Variants in TBXA2R observed in about 807,000 individuals in gnomAD.
TBXA2R encodes the protein prostanoid TP receptor.
A neutral mutation model predicts 15.6 loss-of-function variants in TBXA2R; 15 were observed. The ratio of observed to expected loss-of-function variants is 0.96; its 90% CI spans 0.64 to 1.48. TBXA2R has a LOEUF of 1.48. Among genes scored for constraint, TBXA2R ranks in the 40% most tolerant of loss-of-function variants. The probability of loss-of-function intolerance (pLI) is 0.00; values close to 1 mark genes in which losing one functional copy is unlikely to be tolerated. For synonymous variants in TBXA2R, 280 were observed against 241.2 expected (o/e 1.16, Z -1.49); for missense variants, 506 against 491.4 (o/e 1.03, Z -0.28).
At chr19:3,597,943 T>G (rs1356546926) in intron 2 of TBXA2R, 1 of 151,970 alleles carries the variant, frequency 6.6e-6, no homozygotes, top group African/African-American at 2.4e-5. Flanking sequence ...CTAAATAAAT[T>G]AAATCAATCA....
chr19:3,600,209 C>G lies in TBXA2R; in HGVS notation c.426G>C (p.Ala142=). The change falls in exon 2 of 3, where the codon GCG becomes GCC. Residue 142 remains alanine (A), a synonymous_variant. Transcript: ENST00000375190. ...LGITRPFSRP[A]VASQRRAWAT... ...CCCAGGCGCGGCGCTGCGAGGCGAC[C>G]GCCGGGCGCGAGAAGGGCCGGGTGA... is the stretch of plus-strand genomic sequence containing the variant. 1.2e-6 allele frequency: 2 copies of G among 1,602,640 alleles called. No homozygotes were observed. The highest frequency in any genetic ancestry group is 4.5e-5 in the East Asian group (2 of 44,324).
intron 2 of TBXA2R, among the ~76,000 whole-genome samples, chr19:3,599,391 G>T (rs554658757): frequency 6.6e-6 from 1 of 151,288 alleles, no homozygotes; most frequent in Non-Finnish European, 1.5e-5. Flanking sequence ...GTGCAGTGGC[G>T]CAATCTCTGC....
In TBXA2R at chr19:3,600,594, G is replaced by A. The variant is rs1264586083; in HGVS notation, c.41C>T (p.Pro14Leu). 6.2e-7 allele frequency: 1 copy of A among 1,612,458 alleles called. No homozygotes were observed. The highest frequency in any genetic ancestry group is 8.5e-7 in the Non-Finnish European group (1 of 1,179,642). Residue 14 changes from proline (P) to leucine (L), a missense_variant, in exon 2 of 3, where the codon CCC (proline) becomes CTC (leucine). Coordinates refer to ENST00000375190, the MANE Select transcript of TBXA2R (RefSeq NM_001060.6). ...TCTCTCCTCCAGGGTAATGTTTGTG[G>A]GCCGGAAACAGGGCCCCAGGGAACT... is the stretch of plus-strand genomic sequence containing the variant. The part of the protein sequence containing the change: ...NGSSLGPCFR[P>L]TNITLEERRL...
chr19:3,595,411 A>G lies in TBXA2R; in HGVS notation c.*277T>C. Reference sequence around the variant, plus strand: ...AAATAGCAATGCAAGACCCTCTTCCAATGTCTGCATGCCCTTCCTGGGGTT... The same window carrying G: ...AAATAGCAATGCAAGACCCTCTTCCGATGTCTGCATGCCCTTCCTGGGGTT... On this transcript the variant is annotated 3_prime_UTR_variant, in exon 3 of 3. Transcript: ENST00000375190. The G allele has an allele frequency of 7.2e-7, 1 of 1,394,542 alleles. No individual in the cohort carries two copies. The highest frequency in any genetic ancestry group is 9.3e-7 in the Non-Finnish European group (1 of 1,079,596). The allele number at this position is 1,394,542 out of a possible 1,614,324, so 86.4% of individuals were successfully genotyped here. A position where few individuals can be genotyped will look rare whatever the true frequency, so the allele number is the denominator to read the frequency against.
rs1241940687 is a variant in TBXA2R at position 3,599,942 on chromosome 19, C to T, written c.693G>A (p.Ala231=). The T allele has an allele frequency of 3.2e-6, 5 of 1,559,098 alleles. No individual in the cohort carries two copies. The South Asian group carries it at 5.9e-5, about 18-fold the overall frequency. Residue 231 remains alanine, a synonymous_variant, in exon 2 of 3, where the codon GCG becomes GCA. Coordinates refer to ENST00000375190, the MANE Select transcript of TBXA2R (RefSeq NM_001060.6). ...TLCHVYHGQE[A]AQQRPRDSEV... ...CGGAGTCCCGGGGACGCTGCTGGGC[C>T]GCCTCCTGCCCGTGGTAGACGTGGC...
chr19:3,601,166 T>C (rs34711413), intron 1 of TBXA2R, among the ~76,000 whole-genome samples: 14,269 of 151,772 alleles, frequency 0.094, 762 homozygotes, highest in Middle Eastern at 0.14. Context: ...CCAGGGATGG[T>C]TGGTAGAGAG....
At chr19:3,600,750 A>C in intron 1 of TBXA2R, 33 bp from the exon 2 acceptor site, 1 of 1,223,188 alleles carries the variant, frequency 8.2e-7, no homozygotes, top group South Asian at 1.3e-5. Flanking sequence ...CTTGTGATTA[A>C]TTCTGCATTT....
chr19:3,605,738 TAGACACATACA>T, intron 1 of TBXA2R, among the ~76,000 whole-genome samples: 1 of 145,830 alleles, frequency 6.9e-6, no homozygotes, highest in South Asian at 2.2e-4. Flanking sequence ...GGCAAATACA[TAGACACATACA>T]GATAGACACA....
Position 3,600,715 on chromosome 19 carries a change from C to T in TBXA2R, c.-81G>A. 4 of 1,506,528 alleles carry T rather than the reference C, an allele frequency of 2.7e-6. No individual in the cohort carries two copies. The highest frequency in any genetic ancestry group is 3.6e-6 in the Non-Finnish European group (4 of 1,101,006). 93.3% of individuals were successfully genotyped at this position (1,506,528 alleles called of 1,614,324 possible). On this transcript the variant is annotated splice_region_variant and 5_prime_UTR_variant, in exon 2 of 3. It adds an upstream start codon to the 5' untranslated region. Transcript: ENST00000375190. ...GGGCAGGCTGGCACTGGTTCAGGCACACCTGGGAGGCGAGAGAAGATTTGC... is the reference window on the plus strand; with the variant it reads ...GGGCAGGCTGGCACTGGTTCAGGCATACCTGGGAGGCGAGAGAAGATTTGC...
chr19:3,595,423 C>A lies in TBXA2R; in HGVS notation c.*265G>T, dbSNP rs2032578773. ...AAGACCCTCTTCCAATGTCTGCATG[C>A]CCTTCCTGGGGTTGGGAGGGACGCA... is the stretch of plus-strand genomic sequence containing the variant. On this transcript the variant is annotated 3_prime_UTR_variant, in exon 3 of 3. Coordinates refer to ENST00000375190, the MANE Select transcript of TBXA2R (RefSeq NM_001060.6). 1 of 1,405,130 alleles carries A rather than the reference C, an allele frequency of 7.1e-7. No homozygotes were observed. Among genetic ancestry groups the A allele is most frequent in the Non-Finnish European group, 9.2e-7 (1 of 1,084,728 alleles). The allele number at this position is 1,405,130 out of a possible 1,614,324, so 87.0% of individuals were successfully genotyped here.
At chr19:3,601,699 G>T in intron 1 of TBXA2R, among the ~76,000 whole-genome samples, 1 of 152,112 alleles carries the variant, frequency 6.6e-6, no homozygotes, top group East Asian at 1.9e-4. Context: ...GGTTGAGGTG[G>T]GTGGATCATC....
At chr19:3,604,375 G>A (rs1048253386) in intron 1 of TBXA2R, among the ~76,000 whole-genome samples, 3 of 152,160 alleles carry the variant, frequency 2.0e-5, no homozygotes, top group Non-Finnish European at 2.9e-5. Context: ...TGGGCTGGGC[G>A]TGGGCACCAG....
At position 3,599,837 on chromosome 19, in the gene TBXA2R, G is replaced by A. The variant is rs2145291213; in HGVS notation, c.786+12C>T. 6.5e-7 allele frequency: 1 copy of A among 1,548,878 alleles called. No homozygotes were observed. The highest frequency in any genetic ancestry group is 8.7e-7 in the Non-Finnish European group (1 of 1,146,922). ...CAGGAGGGTAGCAGGACCCCGCAGA[G>A]CCCCTACTCACCAGAAGGGGCAGCC... On this transcript the variant is annotated intron_variant, in intron 2 of 2. Coordinates refer to ENST00000375190, the MANE Select transcript of TBXA2R (RefSeq NM_001060.6).
Position 3,599,128 on chromosome 19 carries a change from G to A in TBXA2R, c.786+721C>T, listed in dbSNP as rs113134085. Among the ~76,000 whole-genome samples, 485 of 152,112 alleles carry A rather than the reference G, an allele frequency of 3.2e-3. 5 individuals carry two copies. Among genetic ancestry groups the A allele is most frequent in the African/African-American group, 0.011 (459 of 41,494 alleles). On this transcript the variant is annotated intron_variant, in intron 2 of 2. Transcript: ENST00000375190. ...CACAGCCACGCCTACTCATTTATGT[G>A]TTTTCTACGGCTGCTTTCTATTTTT...
chr19:3,600,502 C>G lies in TBXA2R; in HGVS notation c.133G>C (p.Ala45Pro), dbSNP rs772981685. Residue 45 changes from alanine to proline, a missense_variant, in exon 2 of 3, where the codon GCC becomes CCC. Transcript: ENST00000375190. ...CGCGCGCCCGCCAGCACGCTCAGGG[C>G]CAGCAGGTTGGAGGCCAGGCCCACC... ...CVVGLASNLL[A>P]LSVLAGARQG... 2 of 1,612,704 alleles carry G rather than the reference C, an allele frequency of 1.2e-6. No individual in the cohort carries two copies. The highest frequency in any genetic ancestry group is 1.1e-5 in the South Asian group (1 of 91,020).
At chr19:3,597,526 G>A (rs1298100261) in intron 2 of TBXA2R, among the ~76,000 whole-genome samples, 4 of 152,104 alleles carry the variant, frequency 2.6e-5, no homozygotes, top group Non-Finnish European at 5.9e-5. Context: ...AGCTACTCCG[G>A]AGGCTGAAGT....
chr19:3,603,562 C>G (rs1334429924), intron 1 of TBXA2R, among the ~76,000 whole-genome samples: 1 of 152,214 alleles, frequency 6.6e-6, no homozygotes, highest in Non-Finnish European at 1.5e-5. Context: ...TCGGCTGTCC[C>G]TGCGGCCACT....
At position 3,600,446 on chromosome 19, in the gene TBXA2R, G is replaced by A; in HGVS notation, c.189C>T (p.Phe63=). ...RQGGSHTRSS[F]LTFLCGLVLT... ...GGACGAGGCCGCAGAGGAAGGTGAG[G>A]AAGGAGGAGCGCGTGTGCGAACCCC... The change falls in exon 2 of 3, where the codon TTC becomes TTT. Residue 63 remains phenylalanine, a synonymous_variant. Coordinates refer to ENST00000375190, the MANE Select transcript of TBXA2R (RefSeq NM_001060.6). 1 of 1,613,128 alleles carries A rather than the reference G, an allele frequency of 6.2e-7. No homozygotes were observed. The highest frequency in any genetic ancestry group is 8.5e-7 in the Non-Finnish European group (1 of 1,179,712).
chr19:3,596,904 A>C (rs1487806946), intron 2 of TBXA2R, among the ~76,000 whole-genome samples: 1 of 151,610 alleles, frequency 6.6e-6, no homozygotes, highest in Non-Finnish European at 1.5e-5. Flanking sequence ...TTAAATAATA[A>C]AAATTATATT....
Sources: allele counts gnomAD v4.1 joint callset (sites outside exome capture counted in the v4.1 genomes callset), GRCh38; gene constraint gnomAD v4.1.1; transcripts MANE v1.5; gene names NCBI Gene and HGNC (gene_info 2026-07-23, HGNC 2026-07-21).